Variants in PRKAA2 observed in about 807,000 individuals in gnomAD.
The protein encoded by PRKAA2 is 5'-AMP-activated protein kinase catalytic subunit alpha-2.
In PRKAA2, 40 loss-of-function variants were observed where a neutral mutation model predicts 56.3. The observed-to-expected ratio is 0.71, with a 90% CI of 0.55 to 0.92. The LOEUF (loss-of-function observed/expected upper bound fraction) is 0.92. PRKAA2 is among the 40% of genes least tolerant of loss of function. PRKAA2 has a pLI of 0.00. For missense variants in PRKAA2, 542 were observed against 686.9 expected, an observed-to-expected ratio of 0.79 and a Z score of 2.36; for synonymous variants, 214 against 234.2, an observed-to-expected ratio of 0.91 and a Z score of 0.79.
rs755346871 is a variant in PRKAA2 at position 56,692,469 on chromosome 1, G to C, written c.442G>C (p.Asp148His). 6.2e-7 allele frequency: 1 copy of C among 1,613,946 alleles called. No individual in the cohort carries two copies. Among genetic ancestry groups the C allele is most frequent in the African/African-American group, 1.3e-5 (1 of 74,902 alleles). The change falls in exon 4 of 9, where the codon GAT becomes CAT. Residue 148 changes from aspartate (D) to histidine (H), a missense_variant. This residue lies in a region of PRKAA2 where 121 missense variants were observed against 210.0 expected (regional missense o/e 0.58). Coordinates refer to ENST00000371244, the MANE Select transcript of PRKAA2 (RefSeq NM_006252.4). ...CCTGAAACCAGAGAATGTCCTGTTG[G>C]ATGCACACATGAATGCCAAGATAGC... The part of the protein sequence containing the change: ...RDLKPENVLL[D>H]AHMNAKIADF...
intron 2 of PRKAA2, among the ~76,000 whole-genome samples, chr1:56,685,550 C>T (rs569685952): frequency 6.6e-6 from 1 of 152,270 alleles, no homozygotes; most frequent in South Asian, 2.1e-4. Flanking sequence ...TCAACAGTGG[C>T]TTCCAATGTG....
chr1:56,692,028 A>ATTTTTTTTTTTTTTTTTTTTTTTTTTT (rs397863487), intron 3 of PRKAA2, among the ~76,000 whole-genome samples: 1 of 112,804 alleles, frequency 8.9e-6, no homozygotes, highest in African/African-American at 3.4e-5. Context: ...GATGTCTCAG[A>ATTTTTTTTTTTTTTTTTTTTTTTTTTT]TTTTTTTTTT....
intron 6 of PRKAA2, among the ~76,000 whole-genome samples, chr1:56,700,388 C>T (rs1644286349): frequency 6.6e-6 from 1 of 152,126 alleles, no homozygotes; most frequent in Non-Finnish European, 1.5e-5. Context: ...CCTGCTTGTG[C>T]AGAGCCTCAA....
At chr1:56,651,178 C>G (rs1426245221) in intron 1 of PRKAA2, among the ~76,000 whole-genome samples, 1 of 151,860 alleles carries the variant, frequency 6.6e-6, no homozygotes, top group Non-Finnish European at 1.5e-5. Context: ...AGATTTAACT[C>G]CAAAAAAATG....
intron 2 of PRKAA2, among the ~76,000 whole-genome samples, chr1:56,680,497 A>C (rs1181355110): frequency 6.6e-6 from 1 of 152,042 alleles, no homozygotes; most frequent in East Asian, 1.9e-4. Context: ...TCCTAATGCT[A>C]TCCCTCCCCT....
chr1:56,699,568 ATTG>A (rs1319580387), intron 6 of PRKAA2, among the ~76,000 whole-genome samples: 9 of 152,228 alleles, frequency 5.9e-5, no homozygotes, highest in African/African-American at 1.9e-4. Context: ...TCAAATTTAG[ATTG>A]TTTCCTTATT....
At chr1:56,651,700 A>C (rs1164745948) in intron 1 of PRKAA2, among the ~76,000 whole-genome samples, 1 of 152,156 alleles carries the variant, frequency 6.6e-6, no homozygotes, top group Non-Finnish European at 1.5e-5. Flanking sequence ...TAGATGATTA[A>C]AATTTATATT....
Position 56,707,959 on chromosome 1 carries a change from C to A in PRKAA2, c.*246C>A. On this transcript the variant is annotated 3_prime_UTR_variant, in exon 9 of 9. Coordinates refer to ENST00000371244, the MANE Select transcript of PRKAA2 (RefSeq NM_006252.4). ...GGCAATATCTTTAATAGGTTAATAT[C>A]AATGAAGATTTTTAATTACAATAAT... is the stretch of plus-strand genomic sequence containing the variant. 2.0e-6 allele frequency: 1 copy of A among 507,032 alleles called. No homozygotes were observed. The highest frequency in any genetic ancestry group is 3.5e-6 in the Non-Finnish European group (1 of 285,406). The allele number at this position is 507,032 out of a possible 1,614,324, so 31.4% of individuals were successfully genotyped here.
intron 2 of PRKAA2, among the ~76,000 whole-genome samples, chr1:56,675,481 C>T (rs963528): frequency 0.48 from 72,328 of 151,886 alleles, 17,513 homozygotes; most frequent in East Asian, 0.64. Context: ...GTAATAGCAG[C>T]TTATCCAAGG....
At position 56,712,369 on chromosome 1, in the gene PRKAA2, T is replaced by C. The variant is rs931273110; in HGVS notation, c.*4656T>C. 1 of 152,160 alleles carries C rather than the reference T, an allele frequency of 6.6e-6. No homozygotes were observed. The highest frequency in any genetic ancestry group is 1.5e-5 in the Non-Finnish European group (1 of 68,018). 9.4% of individuals were successfully genotyped at this position (152,160 alleles called of 1,614,324 possible). A position where few individuals can be genotyped will look rare whatever the true frequency, so the allele number is the denominator to read the frequency against. On this transcript the variant is annotated 3_prime_UTR_variant, in exon 9 of 9. Transcript: ENST00000371244. ...GTGACATAAAGTAGTCTTAAATAAATAGTTCTTAGTTTATTTTAAGCAGTT... is the reference window on the plus strand; with the variant it reads ...GTGACATAAAGTAGTCTTAAATAAACAGTTCTTAGTTTATTTTAAGCAGTT...
At chr1:56,683,340 A>G (rs889317971) in intron 2 of PRKAA2, among the ~76,000 whole-genome samples, 18 of 152,170 alleles carry the variant, frequency 1.2e-4, no homozygotes, top group African/African-American at 4.1e-4. Flanking sequence ...TTGTAGCTCC[A>G]TAATGACATT....
intron 1 of PRKAA2, among the ~76,000 whole-genome samples, chr1:56,648,377 C>G (rs927551344): frequency 6.6e-6 from 1 of 152,206 alleles, no homozygotes; most frequent in African/African-American, 2.4e-5. Flanking sequence ...CATGACATAG[C>G]ATGTGCCATT....
chr1:56,674,922 G>GT (rs1170725821), intron 2 of PRKAA2, among the ~76,000 whole-genome samples: 1 of 151,770 alleles, frequency 6.6e-6, no homozygotes, highest in African/African-American at 2.4e-5. Context: ...AACATTCAGG[G>GT]TATTTTTTCC....
Position 56,698,687 on chromosome 1 carries a change from A to C in PRKAA2, c.788+2528A>C, listed in dbSNP as rs141793456. Among the ~76,000 whole-genome samples, 216 of 152,282 alleles carry C rather than the reference A, an allele frequency of 1.4e-3. 2 individuals carry two copies. Among genetic ancestry groups the C allele is most frequent in the South Asian group, 5.0e-3 (24 of 4,830 alleles). ...TTTTATTTATCTCTTATGCTACTACATACTTACTGTCTCAATATTATTTTT... is the reference window on the plus strand; with the variant it reads ...TTTTATTTATCTCTTATGCTACTACCTACTTACTGTCTCAATATTATTTTT... On this transcript the variant is annotated intron_variant, in intron 6 of 8. Transcript: ENST00000371244.
At chr1:56,700,657 C>T (rs1170868248) in intron 6 of PRKAA2, among the ~76,000 whole-genome samples, 1 of 152,076 alleles carries the variant, frequency 6.6e-6, no homozygotes, top group Non-Finnish European at 1.5e-5. Context: ...TTAACAAATG[C>T]CCTGGGGAGA....
chr1:56,655,176 TTTAC>T (rs1643930468), intron 1 of PRKAA2, among the ~76,000 whole-genome samples: 1 of 149,864 alleles, frequency 6.7e-6, no homozygotes, highest in African/African-American at 2.4e-5. Context: ...AAATGCTTGT[TTTAC>T]TTGGGCAATA....
intron 2 of PRKAA2, among the ~76,000 whole-genome samples, chr1:56,679,075 C>T (rs1377990465): frequency 2.0e-5 from 3 of 152,280 alleles, no homozygotes; most frequent in South Asian, 4.1e-4. Context: ...GAAATGTTGT[C>T]TCTAGGTTTC....
At chr1:56,655,558 A>G (rs1166812562) in intron 1 of PRKAA2, among the ~76,000 whole-genome samples, 1 of 151,078 alleles carries the variant, frequency 6.6e-6, no homozygotes, top group Non-Finnish European at 1.5e-5. Flanking sequence ...ATTTTAAGCA[A>G]AATGTTTTTT....
intron 1 of PRKAA2, among the ~76,000 whole-genome samples, chr1:56,648,339 T>A (rs141277173): frequency 0.014 from 2,178 of 152,310 alleles, 16 homozygotes; most frequent in Non-Finnish European, 0.019. Flanking sequence ...TGTGTCGAGC[T>A]TCTTTAACAA....
Sources: allele counts gnomAD v4.1 joint callset (sites outside exome capture counted in the v4.1 genomes callset), GRCh38; gene constraint gnomAD v4.1.1; regional missense constraint gnomAD v4.1.1; transcripts MANE v1.5; gene names NCBI Gene and HGNC (gene_info 2026-07-23, HGNC 2026-07-21).